Variants in CHCHD3 observed in about 807,000 individuals in gnomAD.
CHCHD3 encodes coiled-coil-helix-coiled-coil-helix domain containing 3, also known as MICOS complex subunit MIC19.
Under a neutral mutation model 38.2 loss-of-function variants are expected in CHCHD3, and 20 were observed. The observed-to-expected ratio is 0.52, with a 90% CI of 0.37 to 0.76. The LOEUF (loss-of-function observed/expected upper bound fraction) is 0.76. Ranked by LOEUF, CHCHD3 falls within the 30% of genes least tolerant of loss-of-function variation. The pLI, the probability that CHCHD3 is intolerant of heterozygous loss-of-function variation, is 0.00. For missense variants in CHCHD3, 245 were observed against 279.2 expected (o/e 0.88, Z 0.87); for synonymous variants, 82 against 100.0 (o/e 0.82, Z 1.07).
At chr7:132,923,197 C>T (rs1024661280) in intron 4 of CHCHD3, among the ~76,000 whole-genome samples, 1 of 152,154 alleles carries the variant, frequency 6.6e-6, no homozygotes, top group African/African-American at 2.4e-5. Flanking sequence ...AATTCAAATG[C>T]ACCAATAGGC....
At chr7:132,881,682 C>G (rs1809061788) in intron 5 of CHCHD3, among the ~76,000 whole-genome samples, 1 of 152,114 alleles carries the variant, frequency 6.6e-6, no homozygotes, top group Non-Finnish European at 1.5e-5. Flanking sequence ...CCTGGATTTC[C>G]TAGTAAGTTA....
rs192329994 is a variant in CHCHD3, at chr7:132,977,845, T to C, written c.252-2559A>G. Among the ~76,000 whole-genome samples, 3 of 152,266 alleles carry C rather than the reference T, an allele frequency of 2.0e-5. No homozygotes were observed. In the East Asian group the frequency reaches 5.8e-4, roughly 29 times the overall value. On this transcript the variant is annotated intron_variant, in intron 3 of 7. Coordinates refer to ENST00000262570, the MANE Select transcript of CHCHD3 (RefSeq NM_017812.4). ...AATTACATATGGAGTTCTACATGGT[T>C]CAACTTTAAGAAATACAGGATCATA...
intron 4 of CHCHD3, among the ~76,000 whole-genome samples, chr7:132,900,444 A>G (rs80025611): frequency 0.039 from 5,952 of 152,174 alleles, 412 homozygotes; most frequent in African/African-American, 0.14. Flanking sequence ...TCTCCCACAT[A>G]CCCTCACAGA....
At chr7:132,946,226 TCTCA>T (rs1810898376) in intron 4 of CHCHD3, among the ~76,000 whole-genome samples, 1 of 151,994 alleles carries the variant, frequency 6.6e-6, no homozygotes, top group Non-Finnish European at 1.5e-5. Flanking sequence ...TACACACATT[TCTCA>T]CTGTTATATA....
intron 3 of CHCHD3, among the ~76,000 whole-genome samples, chr7:132,989,170 G>T (rs1285395561): frequency 6.6e-6 from 1 of 152,124 alleles, no homozygotes; most frequent in Non-Finnish European, 1.5e-5. Context: ...CATATCAAGT[G>T]AGGACTGTAT....
chr7:133,080,724 A>C (rs1374945342), intron 1 of CHCHD3, among the ~76,000 whole-genome samples: 2 of 152,296 alleles, frequency 1.3e-5, no homozygotes, highest in Non-Finnish European at 2.9e-5. Flanking sequence ...ACAGACCAAA[A>C]ACTGAGTTCG....
chr7:132,828,149 T>G (rs1013794652), intron 6 of CHCHD3, among the ~76,000 whole-genome samples: 1 of 152,334 alleles, frequency 6.6e-6, no homozygotes, highest in East Asian at 1.9e-4. Flanking sequence ...CTAGACTTGT[T>G]GCATCATACA....
intron 2 of CHCHD3, among the ~76,000 whole-genome samples, chr7:133,053,776 C>A (rs1198619440): frequency 6.6e-6 from 1 of 152,204 alleles, no homozygotes; most frequent in African/African-American, 2.4e-5. Context: ...ATTTAAGTTA[C>A]TTGATGATGA....
chr7:132,910,196 T>G (rs1482164317), intron 4 of CHCHD3, among the ~76,000 whole-genome samples: 1 of 152,208 alleles, frequency 6.6e-6, no homozygotes, highest in Admixed American at 6.5e-5. Flanking sequence ...ACCCATCCAC[T>G]GTGTATACCT....
chr7:133,076,745 A>G (rs1271700045), intron 1 of CHCHD3, among the ~76,000 whole-genome samples: 1 of 152,232 alleles, frequency 6.6e-6, no homozygotes, highest in Non-Finnish European at 1.5e-5. Context: ...TTGGACAAAG[A>G]GAAAGTATTT....
intron 2 of CHCHD3, among the ~76,000 whole-genome samples, chr7:133,043,215 A>G (rs1480945814): frequency 1.3e-5 from 2 of 152,180 alleles, no homozygotes; most frequent in African/African-American, 4.8e-5. Flanking sequence ...CATTTATATC[A>G]AGATAAAATT....
chr7:132,824,453 G>A (rs1457156940), intron 6 of CHCHD3, among the ~76,000 whole-genome samples: 1 of 151,272 alleles, frequency 6.6e-6, no homozygotes, highest in African/African-American at 2.4e-5. Context: ...CCAGTAGCTG[G>A]GACAACAGGT....
rs1429916956 is a variant in CHCHD3, at chr7:132,857,103, GAAT to G, written c.454-18637_454-18635del. The stretch of plus-strand genomic sequence containing the variant: ...CATCTGGTGAACTAATATTCCACAA[GAAT>G]AATACACATGGTGCACTGTAAAGTA... On this transcript the variant is annotated intron_variant, in intron 5 of 7. Transcript: ENST00000262570. Among the ~76,000 whole-genome samples, 111 of 152,284 alleles carry G rather than the reference GAAT, an allele frequency of 7.3e-4. 1 individual carries two copies. The highest frequency in any genetic ancestry group is 1.5e-4 in the Non-Finnish European group (10 of 68,028).
intron 2 of CHCHD3, among the ~76,000 whole-genome samples, chr7:133,065,294 C>T (rs1814636854): frequency 6.6e-6 from 1 of 152,068 alleles, no homozygotes; most frequent in Admixed American, 6.6e-5. Flanking sequence ...TGCAACGAGC[C>T]ACTGATCTGG....
chr7:133,049,364 T>G (rs989298966), intron 2 of CHCHD3, among the ~76,000 whole-genome samples: 1 of 152,218 alleles, frequency 6.6e-6, no homozygotes, highest in African/African-American at 2.4e-5. Context: ...GGGAAAGAAA[T>G]CTGATTCAGA....
chr7:132,866,855 A>C (rs1808638639), intron 5 of CHCHD3, among the ~76,000 whole-genome samples: 1 of 152,198 alleles, frequency 6.6e-6, no homozygotes, highest in Non-Finnish European at 1.5e-5. Context: ...AATGACATGG[A>C]GCCAATGCAA....
At chr7:132,806,408 G>T (rs761309231) in intron 6 of CHCHD3, among the ~76,000 whole-genome samples, 9 of 152,164 alleles carry the variant, frequency 5.9e-5, no homozygotes, top group Non-Finnish European at 1.3e-4. Flanking sequence ...AAGACCAAGA[G>T]ACTGAGTCAG....
At chr7:132,821,663 T>C (rs900331645) in intron 6 of CHCHD3, among the ~76,000 whole-genome samples, 7 of 151,730 alleles carry the variant, frequency 4.6e-5, no homozygotes, top group African/African-American at 1.5e-4. Context: ...TAGAATTTTA[T>C]GACATGAAGT....
chr7:132,885,060 T>C (rs1324537705), intron 5 of CHCHD3, among the ~76,000 whole-genome samples: 1 of 152,098 alleles, frequency 6.6e-6, no homozygotes, highest in African/African-American at 2.4e-5. Flanking sequence ...AAGACCAGCA[T>C]GGCCAACATG....
Sources: gnomAD v4.1 joint callset for allele counts (sites outside exome capture counted in the v4.1 genomes callset) on GRCh38, gnomAD v4.1.1 for gene constraint, MANE v1.5 for transcripts, NCBI Gene and HGNC (gene_info 2026-07-23, HGNC 2026-07-21) for gene names.